The following AKR1D1 variants were observed in gnomAD, a reference collection of about 807,000 sequenced individuals.
AKR1D1 encodes delta(4)-3-ketosteroid 5-beta-reductase.
In AKR1D1, 32 loss-of-function variants were observed where a neutral mutation model predicts 42.6. The ratio of observed to expected loss-of-function variants is 0.75; its 90% CI spans 0.57 to 1.01. AKR1D1 has a LOEUF of 1.01. AKR1D1 is among the 50% of genes least tolerant of loss of function. The pLI is 0.00. For missense variants in AKR1D1, 364 were observed against 402.2 expected (o/e 0.91, Z 0.81); for synonymous variants, 123 against 135.5 (o/e 0.91, Z 0.64).
intron 8 of AKR1D1, among the ~76,000 whole-genome samples, chr7:138,115,371 C>T (rs181433294): frequency 6.6e-6 from 1 of 152,130 alleles, no homozygotes; most frequent in Non-Finnish European, 1.5e-5. Context: ...GGACCCCAGA[C>T]TTTGAGTGAG....
At position 138,105,370 on chromosome 7, in the gene AKR1D1, A is replaced by G. The variant is rs757291539; in HGVS notation, c.520A>G (p.Arg174Gly). 6.2e-7 allele frequency: 1 copy of G among 1,614,134 alleles called. No homozygotes were observed. The highest frequency in any genetic ancestry group is 1.7e-5 in the Admixed American group (1 of 60,020). ...CCTGGGAGTGTCCAATTTTAACCGC[A>G]GGCAGCTGGAGCTCATCCTGAACAA... is the stretch of plus-strand genomic sequence containing the variant. ...KSLGVSNFNR[R>G]QLELILNKPG... Residue 174 changes from arginine (R) to glycine (G), a missense_variant, in exon 5 of 9, where the codon AGG becomes GGG. Coordinates refer to ENST00000242375, the MANE Select transcript of AKR1D1 (RefSeq NM_005989.4).
intron 1 of AKR1D1, among the ~76,000 whole-genome samples, chr7:138,077,048 T>C (rs900450284): frequency 1.3e-5 from 2 of 152,170 alleles, no homozygotes; most frequent in African/African-American, 4.8e-5. Context: ...CTCTGTTATC[T>C]AGGGATTAAA....
At chr7:138,113,058 T>A (rs1335506450) in intron 7 of AKR1D1, among the ~76,000 whole-genome samples, 1 of 152,196 alleles carries the variant, frequency 6.6e-6, no homozygotes, top group East Asian at 1.9e-4. Context: ...GGCTCATGCC[T>A]GTAATTGCAG....
chr7:138,100,406 T>C (rs1794273575), intron 4 of AKR1D1, among the ~76,000 whole-genome samples: 1 of 152,038 alleles, frequency 6.6e-6, no homozygotes, highest in Admixed American at 6.6e-5. Flanking sequence ...GAAATCCATC[T>C]TAAATAAAAA....
At chr7:138,086,281 C>T (rs771348421) in intron 1 of AKR1D1, among the ~76,000 whole-genome samples, 2 of 152,140 alleles carry the variant, frequency 1.3e-5, no homozygotes, top group Non-Finnish European at 2.9e-5. Flanking sequence ...CTGGACACCA[C>T]GCCTCACCTC....
intron 7 of AKR1D1, among the ~76,000 whole-genome samples, chr7:138,108,380 ATAAT>A (rs902694511): frequency 1.3e-5 from 2 of 152,224 alleles, no homozygotes; most frequent in African/African-American, 2.4e-5. Flanking sequence ...AGCCCTACTC[ATAAT>A]TAAAGATAAA....
intron 3 of AKR1D1, among the ~76,000 whole-genome samples, chr7:138,097,067 A>C (rs1794198405): frequency 6.6e-6 from 1 of 152,000 alleles, no homozygotes; most frequent in African/African-American, 2.4e-5. Context: ...ACCACCAACC[A>C]CCCAAGGCAT....
intron 2 of AKR1D1, among the ~76,000 whole-genome samples, chr7:138,089,517 G>A (rs1476485402): frequency 6.6e-6 from 1 of 151,468 alleles, no homozygotes; most frequent in East Asian, 1.9e-4. Flanking sequence ...CATTATGCAA[G>A]CCTTTTGCTT....
intron 8 of AKR1D1, 103 bp downstream of exon 8, chr7:138,113,875 G>A: frequency 9.7e-7 from 1 of 1,030,910 alleles, no homozygotes; most frequent in East Asian, 2.4e-5. Flanking sequence ...CATAGCACCA[G>A]GGCAAAGCAT....
intron 5 of AKR1D1, among the ~76,000 whole-genome samples, chr7:138,105,655 C>G (rs1030099898): frequency 6.6e-6 from 1 of 152,014 alleles, no homozygotes; most frequent in Non-Finnish European, 1.5e-5. Context: ...TTTGGGAGGC[C>G]GAGGCAGGCG....
chr7:138,088,110 C>T (rs982571848), intron 1 of AKR1D1, among the ~76,000 whole-genome samples: 4 of 152,062 alleles, frequency 2.6e-5, no homozygotes, highest in Non-Finnish European at 4.4e-5. Flanking sequence ...AGGCTGGTCT[C>T]AAACTCCTGG....
chr7:138,098,928 T>A (rs944344460), intron 4 of AKR1D1, among the ~76,000 whole-genome samples: 4 of 152,076 alleles, frequency 2.6e-5, no homozygotes, highest in Non-Finnish European at 2.9e-5. Flanking sequence ...AACTCAGGAC[T>A]CAGTTGTAGA....
At chr7:138,106,203 A>T (rs866775683) in intron 5 of AKR1D1, among the ~76,000 whole-genome samples, 2 of 152,224 alleles carry the variant, frequency 1.3e-5, no homozygotes, top group Non-Finnish European at 2.9e-5. Flanking sequence ...ACAATTTGTC[A>T]ATATGTATCA....
At chr7:138,112,568 G>A (rs368739604) in intron 7 of AKR1D1, among the ~76,000 whole-genome samples, 1 of 152,124 alleles carries the variant, frequency 6.6e-6, no homozygotes, top group African/African-American at 2.4e-5. Context: ...CTTAATGTGT[G>A]TAGTATTTGG....
At position 138,088,733 on chromosome 7, in the gene AKR1D1, A is replaced by G. The variant is rs1277777425; in HGVS notation, c.226A>G (p.Lys76Glu). 6.2e-7 allele frequency: 1 copy of G among 1,610,784 alleles called. No individual in the cohort carries two copies. Among genetic ancestry groups the G allele is most frequent in the Admixed American group, 1.7e-5 (1 of 59,386 alleles). The part of the protein sequence containing the change: ...EAIREKIAEG[K>E]VRREDIFYCG... ...CATCAGGGAGAAGATAGCAGAAGGA[A>G]AGGTGCGGAGGGAAGATATCTTCTA... The change falls in exon 2 of 9, where the codon AAG becomes GAG. Residue 76 changes from lysine to glutamate, a missense_variant. Physicochemically the swap from Lys to Glu is moderately conservative, Grantham distance 56. Transcript: ENST00000242375.
chr7:138,097,654 T>C (rs1481674464), intron 3 of AKR1D1, among the ~76,000 whole-genome samples: 1 of 152,088 alleles, frequency 6.6e-6, no homozygotes, highest in African/African-American at 2.4e-5. Context: ...GAGAGGACAG[T>C]GCACACAAGA....
chr7:138,106,368 TTAAA>T (rs1794432982), intron 5 of AKR1D1, among the ~76,000 whole-genome samples: 1 of 152,118 alleles, frequency 6.6e-6, no homozygotes, highest in African/African-American at 2.4e-5. Flanking sequence ...AAGGGGATGA[TTAAA>T]TAAGTTACAA....
At chr7:138,112,328 T>A (rs1246181042) in intron 7 of AKR1D1, among the ~76,000 whole-genome samples, 1 of 152,176 alleles carries the variant, frequency 6.6e-6, no homozygotes, top group African/African-American at 2.4e-5. Context: ...TGCCAATAAT[T>A]GGATAATAAA....
chr7:138,091,624 G>C (rs867452893), intron 2 of AKR1D1, 144 bp from the exon 3 acceptor site: 1 of 668,950 alleles, frequency 1.5e-6, no homozygotes, highest in African/African-American at 1.8e-5. Context: ...GAGCCCAGGA[G>C]TTAAAGACCA....
Sources: gnomAD v4.1 joint callset for allele counts (sites outside exome capture counted in the v4.1 genomes callset) on GRCh38, gnomAD v4.1.1 for gene constraint, MANE v1.5 for transcripts, NCBI Gene and HGNC (gene_info 2026-07-23, HGNC 2026-07-21) for gene names.